The following SLC9A4 variants were observed in gnomAD, a reference collection of about 807,000 sequenced individuals.
The protein encoded by SLC9A4 is solute carrier family 9 member A4.
In SLC9A4, 63 loss-of-function variants were observed where a neutral mutation model predicts 67.4. The observed-to-expected ratio is 0.93, with a 90% confidence interval of 0.76 to 1.15. The LOEUF is 1.15. Among genes scored for constraint, SLC9A4 ranks in the 50% most tolerant of loss-of-function variants. SLC9A4 has a pLI of 0.00. For synonymous variants in SLC9A4, 393 were observed against 367.2 expected, an observed-to-expected ratio of 1.07 and a Z score of -0.80; for missense variants, 1,089 against 987.7, an observed-to-expected ratio of 1.10 and a Z score of -1.38.
At chr2:102,484,597 C>T (rs1237991744) in intron 2 of SLC9A4, among the ~76,000 whole-genome samples, 1 of 152,198 alleles carries the variant, frequency 6.6e-6, no homozygotes, top group African/African-American at 2.4e-5. Context: ...GTGGTCGGCT[C>T]ATTCTGAACA....
intron 11 of SLC9A4, among the ~76,000 whole-genome samples, chr2:102,531,160 T>C (rs990543504): frequency 6.6e-6 from 1 of 151,014 alleles, no homozygotes; most frequent in African/African-American, 2.4e-5. Context: ...CCTCCCAGGT[T>C]CACGTCATTC....
intron 9 of SLC9A4, among the ~76,000 whole-genome samples, chr2:102,520,473 G>A (rs1310317017): frequency 1.3e-5 from 2 of 152,174 alleles, no homozygotes; most frequent in African/African-American, 2.4e-5. Flanking sequence ...CTTGGGACCT[G>A]GTCCAAAGTG....
At chr2:102,508,531 T>A (rs1457789164) in intron 5 of SLC9A4, among the ~76,000 whole-genome samples, 1 of 152,204 alleles carries the variant, frequency 6.6e-6, no homozygotes, top group African/African-American at 2.4e-5. Flanking sequence ...ACTCCATATT[T>A]CTGAAAATGA....
intron 2 of SLC9A4, among the ~76,000 whole-genome samples, chr2:102,500,654 A>G (rs953856310): frequency 5.3e-5 from 8 of 152,068 alleles, no homozygotes; most frequent in Non-Finnish European, 8.8e-5. Context: ...GCCCAGGGCC[A>G]CTCTGTATGA....
chr2:102,510,272 C>CAGATACAGATACAGATACAGATAT (rs61491026), intron 6 of SLC9A4, among the ~76,000 whole-genome samples: 8,259 of 125,932 alleles, frequency 0.066, 509 homozygotes, highest in Admixed American at 0.18. Context: ...GATACAGATA[C>CAGATACAGATACAGATACAGATAT]AGATATAGAT....
intron 1 of SLC9A4, among the ~76,000 whole-genome samples, chr2:102,477,206 C>A (rs1051695362): frequency 2.0e-5 from 3 of 152,180 alleles, no homozygotes; most frequent in African/African-American, 7.2e-5. Flanking sequence ...GACACTTTTC[C>A]CAGTTCAAAG....
chr2:102,526,380 C>A, intron 11 of SLC9A4, 34 bp downstream of exon 11: 1 of 1,600,664 alleles, frequency 6.2e-7, no homozygotes, highest in Non-Finnish European at 8.6e-7. Flanking sequence ...TGCTGCTTTT[C>A]TGTAGAGTCA....
chr2:102,480,454 G>A (rs753436295), intron 2 of SLC9A4, among the ~76,000 whole-genome samples: 6 of 151,562 alleles, frequency 4.0e-5, no homozygotes, highest in Non-Finnish European at 8.8e-5. Context: ...ACCGTGTCTG[G>A]CCCTCTTTCT....
rs147920382 is a variant in SLC9A4 at position 102,524,556 on chromosome 2, TTGTGTG to T, written c.1819-444_1819-439del. Among the ~76,000 whole-genome samples the T allele has an allele frequency of 2.2e-3, 319 of 145,512 alleles. 2 individuals carry two copies. Among genetic ancestry groups the T allele is most frequent in the African/African-American group, 7.3e-3 (288 of 39,494 alleles). Reference sequence around the variant, plus strand: ...GAATTGATGATAATGGTGATAGGAATTGTGTGTGTGTGTGTGTGTGTGTGTGTGTTT... The same window carrying T: ...GAATTGATGATAATGGTGATAGGAATTGTGTGTGTGTGTGTGTGTGTGTTT... On this transcript the variant is annotated intron_variant, in intron 9 of 11. Coordinates refer to ENST00000295269, the MANE Select transcript of SLC9A4 (RefSeq NM_001011552.4).
chr2:102,485,954 C>T (rs1684580167), intron 2 of SLC9A4, among the ~76,000 whole-genome samples: 1 of 152,210 alleles, frequency 6.6e-6, no homozygotes, highest in Non-Finnish European at 1.5e-5. Context: ...TTCCCCACAC[C>T]TTGTCATGCA....
At position 102,532,453 on chromosome 2, in the gene SLC9A4, A is replaced by G. The variant is rs775249892; in HGVS notation, c.2162A>G (p.Lys721Arg). The change falls in exon 12 of 12, where the codon AAG becomes AGG. Residue 721 changes from lysine (K) to arginine (R), a missense_variant. By Grantham distance (26) the Lys-to-Arg change is conservative. Transcript: ENST00000295269. ...IPMKSLHRGRKAFSFGYQRNT... is the reference protein window; with the variant it reads ...IPMKSLHRGRRAFSFGYQRNT... ...ATGAAGAGCCTACACAGAGGAAGGA[A>G]GGCATTCAGCTTTGGTTATCAAAGA... 8 of 1,614,216 alleles carry G rather than the reference A, an allele frequency of 5.0e-6. No homozygotes were observed. The highest frequency in any genetic ancestry group is 6.8e-6 in the Non-Finnish European group (8 of 1,180,044).
chr2:102,483,799 C>CATATATAT (rs61195337), intron 2 of SLC9A4, among the ~76,000 whole-genome samples: 41 of 114,282 alleles, frequency 3.6e-4, no homozygotes, highest in Middle Eastern at 4.4e-3. Flanking sequence ...CCATGTACAG[C>CATATATAT]ATATATATAT....
chr2:102,526,388 T>G, intron 11 of SLC9A4, 42 bp downstream of exon 11: 2 of 1,587,620 alleles, frequency 1.3e-6, no homozygotes, highest in Middle Eastern at 1.7e-4. Context: ...TTCTGTAGAG[T>G]CAGGTGGTAA....
chr2:102,479,951 C>G (rs1684424239), intron 2 of SLC9A4, among the ~76,000 whole-genome samples: 1 of 152,146 alleles, frequency 6.6e-6, no homozygotes, highest in Admixed American at 6.5e-5. Context: ...GCTGGGGGTG[C>G]TGGAATATTG....
chr2:102,476,120 TC>T lies in SLC9A4; in HGVS notation c.256+2110del, dbSNP rs1487690945. Among the ~76,000 whole-genome samples the T allele has an allele frequency of 1.1e-4, 17 of 152,036 alleles. 1 individual carries two copies. Among genetic ancestry groups the T allele is most frequent in the Admixed American group, 1.0e-3 (16 of 15,266 alleles). ...CTCTGACAGAAAAACATCAAAACTCTCCCCCAATCCTTTTTAAAACACCCAA... is the reference window on the plus strand; with the variant it reads ...CTCTGACAGAAAAACATCAAAACTCTCCCCAATCCTTTTTAAAACACCCAA... On this transcript the variant is annotated intron_variant, in intron 1 of 11. Coordinates refer to ENST00000295269, the MANE Select transcript of SLC9A4 (RefSeq NM_001011552.4).
intron 10 of SLC9A4, 135 bp from the exon 11 acceptor site, chr2:102,526,124 G>C (rs1330641978): frequency 3.8e-6 from 3 of 789,824 alleles, no homozygotes; most frequent in African/African-American, 3.5e-5. Context: ...CTGACCTCAG[G>C]TGATCCGCCC....
intron 9 of SLC9A4, 47 bp from the exon 10 acceptor site, chr2:102,524,977 T>A (rs1674627989): frequency 1.9e-6 from 3 of 1,608,730 alleles, no homozygotes; most frequent in Non-Finnish European, 8.5e-7. Flanking sequence ...TGGCTGAAAG[T>A]TGTATGGAGG....
At chr2:102,489,656 G>A (rs189423770) in intron 2 of SLC9A4, among the ~76,000 whole-genome samples, 2 of 152,224 alleles carry the variant, frequency 1.3e-5, no homozygotes, top group Non-Finnish European at 2.9e-5. Flanking sequence ...TCACCAGCTT[G>A]GCCTCTGTTC....
In SLC9A4 at chr2:102,520,062, T is replaced by G. The variant is rs1380797406; in HGVS notation, c.1818+107T>G. The G allele has an allele frequency of 6.0e-6, 5 of 834,492 alleles. No homozygotes were observed. In the Admixed American group the frequency reaches 1.2e-4, roughly 20 times the overall value. 51.7% of individuals were successfully genotyped at this position (834,492 alleles called of 1,614,324 possible). On this transcript the variant is annotated intron_variant, in intron 9 of 11. Transcript: ENST00000295269. The stretch of plus-strand genomic sequence containing the variant: ...CTCCTGATGTTCACGTCACCCTCTG[T>G]AAGGTGGTAACTTGCTGAATATTTT...
Sources: allele counts gnomAD v4.1 joint callset (sites outside exome capture counted in the v4.1 genomes callset), GRCh38; gene constraint gnomAD v4.1.1; transcripts MANE v1.5; gene names NCBI Gene and HGNC (gene_info 2026-07-23, HGNC 2026-07-21).